SOX5: variants seen among roughly 807,000 people sequenced by gnomAD.
SOX5 encodes the protein transcription factor SOX-5.
Under a neutral mutation model 92.0 loss-of-function variants are expected in SOX5, and 9 were observed. The observed-to-expected ratio is 0.10, with a 90% confidence interval of 0.06 to 0.17. The LOEUF is 0.17. Among genes scored for constraint, SOX5 ranks in the 10% least tolerant of loss-of-function variants. The pLI, the probability that SOX5 is intolerant of heterozygous loss-of-function variation, is 1.00. For synonymous variants in SOX5, 344 were observed against 336.3 expected (o/e 1.02, Z -0.25); for missense variants, 642 against 944.5 (o/e 0.68, Z 4.20).
intron 1 of SOX5, among the ~76,000 whole-genome samples, chr12:23,923,743 A>G (rs1182047666): frequency 6.6e-6 from 1 of 152,134 alleles, no homozygotes; most frequent in Non-Finnish European, 1.5e-5. Flanking sequence ...TATCTGAGTC[A>G]CACGAGATTC....
intron 4 of SOX5, among the ~76,000 whole-genome samples, chr12:24,053,568 AC>A (rs1347849578): frequency 1.3e-5 from 2 of 152,216 alleles, no homozygotes; most frequent in African/African-American, 4.8e-5. Flanking sequence ...AAAATTTCCT[AC>A]CAAATCCCTA....
intron 4 of SOX5, among the ~76,000 whole-genome samples, chr12:23,753,574 A>T (rs962901176): frequency 1.5e-4 from 22 of 151,264 alleles, no homozygotes; most frequent in South Asian, 2.1e-4. Context: ...TTCAGATTTT[A>T]AAAAAAAGAT....
chr12:24,006,651 C>T (rs2136445387), intron 4 of SOX5, among the ~76,000 whole-genome samples: 1 of 152,168 alleles, frequency 6.6e-6, no homozygotes, highest in Middle Eastern at 3.4e-3. Context: ...GATCCTGTAA[C>T]TCAGTGTTAG....
rs562628265 is a variant in SOX5, at chr12:23,693,834, C to A, written c.811-28270G>T. The stretch of plus-strand genomic sequence containing the variant: ...AATTATAAACTATGCTTATTTTTCA[C>A]AGAGACTTAGAATTATTAAAACGTT... On this transcript the variant is annotated intron_variant, in intron 6 of 14. Transcript: ENST00000451604. 5.9e-5 allele frequency among the ~76,000 whole-genome samples: 9 copies of A among 152,244 alleles called. No individual in the cohort carries two copies. In the South Asian group the frequency reaches 1.9e-3, roughly 32 times the overall value.
chr12:23,912,490 T>C (rs1687386086), intron 1 of SOX5, among the ~76,000 whole-genome samples: 1 of 152,122 alleles, frequency 6.6e-6, no homozygotes, highest in Non-Finnish European at 1.5e-5. Context: ...CCTTGGTAAA[T>C]ACCCAAGACA....
At chr12:24,008,084 T>C (rs970575175) in intron 4 of SOX5, among the ~76,000 whole-genome samples, 1 of 151,982 alleles carries the variant, frequency 6.6e-6, no homozygotes, top group African/African-American at 2.4e-5. Context: ...ACCAGGAATA[T>C]CTGAAACAAG....
rs986922811 is a variant in SOX5, at chr12:23,631,480, C to T, written c.1017+9332G>A. Reference sequence around the variant, plus strand: ...TTAAAAAAGTATACTTTAAAAATTTCAATAAATTGGTATTGCTCATAGAAT... The same window carrying T: ...TTAAAAAAGTATACTTTAAAAATTTTAATAAATTGGTATTGCTCATAGAAT... On this transcript the variant is annotated intron_variant, in intron 8 of 14. Coordinates refer to ENST00000451604, the MANE Select transcript of SOX5 (RefSeq NM_006940.6). Among the ~76,000 whole-genome samples the T allele has an allele frequency of 2.6e-5, 4 of 152,102 alleles. No homozygotes were observed. In the East Asian group the frequency reaches 7.7e-4, roughly 29 times the overall value.
chr12:23,912,962 T>C (rs1250604919), intron 1 of SOX5, among the ~76,000 whole-genome samples: 1 of 152,174 alleles, frequency 6.6e-6, no homozygotes, highest in Admixed American at 6.5e-5. Context: ...TCTACTGAAT[T>C]ATACATTAAG....
chr12:24,386,801 A>T (rs1958461636), intron 1 of SOX5, among the ~76,000 whole-genome samples: 1 of 152,040 alleles, frequency 6.6e-6, no homozygotes, highest in Non-Finnish European at 1.5e-5. Flanking sequence ...GAAACAATGT[A>T]AAAAATATTG....
chr12:23,843,127 T>A (rs1444116526), intron 3 of SOX5, among the ~76,000 whole-genome samples: 2 of 152,148 alleles, frequency 1.3e-5, no homozygotes, highest in Non-Finnish European at 2.9e-5. Context: ...TAGAGAGATA[T>A]CCTGCAATAT....
chr12:24,188,956 A>C (rs1025383474), intron 4 of SOX5, among the ~76,000 whole-genome samples: 20 of 152,208 alleles, frequency 1.3e-4, no homozygotes, highest in Non-Finnish European at 2.9e-5. Context: ...TTGCAAAATA[A>C]TATCCCATTA....
intron 4 of SOX5, among the ~76,000 whole-genome samples, chr12:24,157,030 T>C (rs1952249606): frequency 6.6e-6 from 1 of 152,126 alleles, no homozygotes; most frequent in Admixed American, 6.6e-5. Context: ...GTACTTCTCT[T>C]TGATTAGTCT....
At chr12:24,158,439 GAA>G (rs1011111055) in intron 4 of SOX5, among the ~76,000 whole-genome samples, 3 of 151,580 alleles carry the variant, frequency 2.0e-5, no homozygotes, top group Non-Finnish European at 4.4e-5. Context: ...ATACATATTT[GAA>G]AAAAAGTCTT....
rs1259686340 is a variant in SOX5, at chr12:24,230,874, T to C, written c.-76-17457A>G. The stretch of plus-strand genomic sequence containing the variant: ...TCAAAGCAAAAGCACACAGTCATGA[T>C]ATTGACTTCTTATTCTTCCCTGCTT... On this transcript the variant is annotated intron_variant, in intron 3 of 4. Transcript: ENST00000446891. Among the ~76,000 whole-genome samples the C allele has an allele frequency of 4.5e-4, 68 of 152,228 alleles. 4 individuals carry two copies. Among genetic ancestry groups the C allele is most frequent in the Admixed American group, 4.4e-3 (68 of 15,286 alleles).
intron 2 of SOX5, among the ~76,000 whole-genome samples, chr12:24,341,491 T>G (rs1719356499): frequency 6.6e-6 from 1 of 152,176 alleles, no homozygotes; most frequent in African/African-American, 2.4e-5. Flanking sequence ...TAATAATAAA[T>G]CAAATGTCAT....
chr12:23,763,007 T>C (rs941260846), intron 3 of SOX5, among the ~76,000 whole-genome samples: 20 of 152,194 alleles, frequency 1.3e-4, no homozygotes, highest in African/African-American at 4.3e-4. Context: ...TTATTTCAAA[T>C]ATTAAATCCC....
chr12:23,582,136 C>T, intron 9 of SOX5: 1 of 984,856 alleles, frequency 1.0e-6, no homozygotes, highest in Non-Finnish European at 1.2e-6. Flanking sequence ...GCCTGAATTG[C>T]ATAATGTGCA....
intron 1 of SOX5, among the ~76,000 whole-genome samples, chr12:24,491,643 T>C (rs1947086230): frequency 6.6e-6 from 1 of 151,804 alleles, no homozygotes; most frequent in Admixed American, 6.6e-5. Context: ...AACAAGGAGA[T>C]AAAAAAATGA....
At chr12:24,207,501 CA>C (rs1238019494) in intron 4 of SOX5, among the ~76,000 whole-genome samples, 3 of 151,938 alleles carry the variant, frequency 2.0e-5, no homozygotes, top group Non-Finnish European at 4.4e-5. Flanking sequence ...TTTGATACTT[CA>C]AAAAAATCCA....
Sources: allele counts gnomAD v4.1 joint callset (sites outside exome capture counted in the v4.1 genomes callset), GRCh38; gene constraint gnomAD v4.1.1; transcripts MANE v1.5; gene names NCBI Gene and HGNC (gene_info 2026-07-23, HGNC 2026-07-21).